The following ADAM12 variants were observed in gnomAD, a reference collection of about 807,000 sequenced individuals.
ADAM12 encodes ADAM metallopeptidase domain 12, also known as disintegrin and metalloproteinase domain-containing protein 12.
In ADAM12, 70 loss-of-function variants were observed where a neutral mutation model predicts 106.4. The ratio of observed to expected loss-of-function variants is 0.66; its 90% CI spans 0.54 to 0.80. The LOEUF (loss-of-function observed/expected upper bound fraction) is 0.80, where lower values mean the gene tolerates loss of function less well. Among genes scored for constraint, ADAM12 ranks in the 30% least tolerant of loss-of-function variants. The probability of loss-of-function intolerance (pLI) is 0.00; values close to 1 mark genes in which losing one functional copy is unlikely to be tolerated. For synonymous variants in ADAM12, 420 were observed against 433.5 expected, an observed-to-expected ratio of 0.97 and a Z score of 0.39; for missense variants, 1,010 against 1,171.9, an observed-to-expected ratio of 0.86 and a Z score of 2.02.
intron 1 of ADAM12, among the ~76,000 whole-genome samples, chr10:126,372,114 T>G (rs1284982374): frequency 1.3e-5 from 2 of 152,198 alleles, no homozygotes; most frequent in East Asian, 3.9e-4. Flanking sequence ...GAATAGAAAC[T>G]GCCTTCCTCT....
chr10:126,278,689 T>C (rs967858600), intron 3 of ADAM12, among the ~76,000 whole-genome samples: 1 of 152,180 alleles, frequency 6.6e-6, no homozygotes, highest in Non-Finnish European at 1.5e-5. Flanking sequence ...ATCAGAACTA[T>C]GAAAAAATAG....
chr10:126,085,243 C>T (rs751375460), intron 11 of ADAM12, among the ~76,000 whole-genome samples: 1 of 152,158 alleles, frequency 6.6e-6, no homozygotes, highest in Non-Finnish European at 1.5e-5. Flanking sequence ...TTATTTTCTT[C>T]TATTTATTGT....
chr10:126,206,859 G>GT (rs1554986886), intron 3 of ADAM12, among the ~76,000 whole-genome samples: 3 of 129,898 alleles, frequency 2.3e-5, no homozygotes, highest in East Asian at 2.0e-4. Flanking sequence ...TGTTGTGGGG[G>GT]CGGGGGGGAG....
intron 5 of ADAM12, among the ~76,000 whole-genome samples, chr10:126,131,874 TG>T (rs1372282947): frequency 6.6e-6 from 1 of 152,084 alleles, no homozygotes; most frequent in African/African-American, 2.4e-5. Flanking sequence ...AAATAGACCG[TG>T]ATAATATTAG....
chr10:126,311,083 A>T lies in ADAM12; in HGVS notation c.186+19329T>A, dbSNP rs548452084. 2.5e-3 allele frequency among the ~76,000 whole-genome samples: 270 copies of T among 109,298 alleles called. 1 individual carries two copies. Among genetic ancestry groups the T allele is most frequent in the African/African-American group, 9.1e-3 (253 of 27,816 alleles). The allele number at this position is 109,298 out of a possible 152,430, so 71.7% of individuals were successfully genotyped here. A position where few individuals can be genotyped will look rare whatever the true frequency, so the allele number is the denominator to read the frequency against. On this transcript the variant is annotated intron_variant, in intron 2 of 22. Coordinates refer to ENST00000448723, the MANE Select transcript of ADAM12 (RefSeq NM_001288973.2). The stretch of plus-strand genomic sequence containing the variant: ...GGGTTATGGGTCTTCCTCATTATAC[A>T]TACACACAAATACACACACACACAC...
Position 126,140,954 on chromosome 10 carries a change from G to A in ADAM12, c.340-5294C>T, listed in dbSNP as rs751518779. Among the ~76,000 whole-genome samples the A allele has an allele frequency of 5.9e-5, 9 of 152,214 alleles. No homozygotes were observed. In the South Asian group the frequency reaches 8.3e-4, roughly 14 times the overall value. ...AGAGAGGAGCACAGGCTACATCACCGCTAGTGGCCAGCAGTGGCCAGTCAA... is the reference window on the plus strand; with the variant it reads ...AGAGAGGAGCACAGGCTACATCACCACTAGTGGCCAGCAGTGGCCAGTCAA... On this transcript the variant is annotated intron_variant, in intron 4 of 22. Transcript: ENST00000448723.
intron 11 of ADAM12, among the ~76,000 whole-genome samples, chr10:126,082,323 A>T (rs1955235462): frequency 7.0e-6 from 1 of 143,762 alleles, no homozygotes; most frequent in East Asian, 2.1e-4. Context: ...GTGGCCACAA[A>T]TTGTGGGATC....
intron 14 of ADAM12, among the ~76,000 whole-genome samples, chr10:126,050,970 C>G (rs569098340): frequency 7.2e-5 from 11 of 152,202 alleles, no homozygotes; most frequent in Non-Finnish European, 1.6e-4. Context: ...GATGAGGTCC[C>G]TAGCTCCTCA....
chr10:126,033,542 G>C (rs1878033), intron 21 of ADAM12, among the ~76,000 whole-genome samples: 3,156 of 152,222 alleles, frequency 0.021, 95 homozygotes, highest in African/African-American at 0.068. Flanking sequence ...AACTGGAAAA[G>C]CCTGCTATCT....
At chr10:126,327,707 T>C (rs1409728884) in intron 2 of ADAM12, among the ~76,000 whole-genome samples, 1 of 152,112 alleles carries the variant, frequency 6.6e-6, no homozygotes, top group Non-Finnish European at 1.5e-5. Context: ...TTGTGAACAC[T>C]GCATGTCACC....
At chr10:126,173,753 T>C (rs1277533219) in intron 3 of ADAM12, among the ~76,000 whole-genome samples, 1 of 152,116 alleles carries the variant, frequency 6.6e-6, no homozygotes, top group Non-Finnish European at 1.5e-5. Context: ...TAGCAGAGTC[T>C]GCCTGGGGCC....
At chr10:126,226,744 G>A (rs1958204440) in intron 3 of ADAM12, among the ~76,000 whole-genome samples, 1 of 152,174 alleles carries the variant, frequency 6.6e-6, no homozygotes, top group East Asian at 1.9e-4. Flanking sequence ...ATTGAGGACA[G>A]GAGCCAACAT....
intron 2 of ADAM12, among the ~76,000 whole-genome samples, chr10:126,323,383 C>A (rs1854175447): frequency 6.6e-6 from 1 of 152,090 alleles, no homozygotes; most frequent in Non-Finnish European, 1.5e-5. Context: ...GGGGCGGTGT[C>A]CCAGGTAAGA....
intron 3 of ADAM12, among the ~76,000 whole-genome samples, chr10:126,222,927 T>C (rs1177468481): frequency 6.6e-6 from 1 of 152,190 alleles, no homozygotes; most frequent in Admixed American, 6.5e-5. Context: ...AGACTTGCAA[T>C]AGAAAATTTT....
intron 3 of ADAM12, among the ~76,000 whole-genome samples, chr10:126,253,348 T>C (rs559629958): frequency 6.6e-6 from 1 of 152,350 alleles, no homozygotes; most frequent in South Asian, 2.1e-4. Context: ...AGGTTTTTCA[T>C]CTGCTCGCCA....
intron 4 of ADAM12, among the ~76,000 whole-genome samples, chr10:126,152,151 T>C (rs908511343): frequency 1.3e-5 from 2 of 152,074 alleles, no homozygotes; most frequent in Non-Finnish European, 2.9e-5. Context: ...GAATTAAGCT[T>C]ATCAATTTTA....
rs144495308 is a variant in ADAM12, at chr10:126,248,648, G to GGTATGTATGTAT, written c.260+30255_260+30266dup. The stretch of plus-strand genomic sequence containing the variant: ...TAGGTATTGTTTTAGGAGCCTCACA[G>GGTATGTATGTAT]GTATGTATGTATGTATGTATGTATG... On this transcript the variant is annotated intron_variant, in intron 3 of 22. Transcript: ENST00000448723. 1.1e-3 allele frequency among the ~76,000 whole-genome samples: 158 copies of GGTATGTATGTAT among 148,212 alleles called. 2 individuals carry two copies. The highest frequency in any genetic ancestry group is 2.6e-3 in the African/African-American group (104 of 39,656).
intron 1 of ADAM12, among the ~76,000 whole-genome samples, chr10:126,337,240 G>A (rs563922264): frequency 6.6e-6 from 1 of 152,320 alleles, no homozygotes; most frequent in East Asian, 1.9e-4. Context: ...GCAGCCAAAG[G>A]TTGGGAAGCC....
chr10:126,046,035 G>A lies in ADAM12; in HGVS notation c.1995+20C>T, dbSNP rs1454954538. ...AACTTGTTATGGGCTGGCTGTAAAA[G>A]GGCAGCTCAGCCTACTCACCCCTCT... On this transcript the variant is annotated intron_variant, in intron 17 of 22. Coordinates refer to ENST00000448723, the MANE Select transcript of ADAM12 (RefSeq NM_001288973.2). 6.2e-7 allele frequency: 1 copy of A among 1,606,758 alleles called. No individual in the cohort carries two copies. Among genetic ancestry groups the A allele is most frequent in the East Asian group, 2.2e-5 (1 of 44,846 alleles).
Sources: gnomAD v4.1 joint callset for allele counts (sites outside exome capture counted in the v4.1 genomes callset) on GRCh38, gnomAD v4.1.1 for gene constraint, MANE v1.5 for transcripts, NCBI Gene and HGNC (gene_info 2026-07-23, HGNC 2026-07-21) for gene names.